The following GJB7 variants were observed in gnomAD, a reference collection of about 807,000 sequenced individuals.
GJB7 encodes gap junction protein beta 7, also known as gap junction beta-7 protein.
For synonymous variants in GJB7, 87 were observed against 95.2 expected (o/e 0.91, Z 0.50); for missense variants, 253 against 256.8 (o/e 0.99, Z 0.10).
chr6:87,323,743 T>A (rs1469131430), intron 1 of GJB7, among the ~76,000 whole-genome samples: 1 of 152,108 alleles, frequency 6.6e-6, no homozygotes, highest in Non-Finnish European at 1.5e-5. Context: ...ATACGTGTGC[T>A]TGTGTCTTTA....
At chr6:87,296,607 TGTTA>T (rs1776252108) in intron 2 of GJB7, among the ~76,000 whole-genome samples, 1 of 152,194 alleles carries the variant, frequency 6.6e-6, no homozygotes, top group African/African-American at 2.4e-5. Context: ...ATTTAATGAA[TGTTA>T]GTTCAATTTA....
intron 2 of GJB7, among the ~76,000 whole-genome samples, chr6:87,287,059 C>A (rs1235098793): frequency 6.6e-6 from 1 of 152,200 alleles, no homozygotes; most frequent in East Asian, 1.9e-4. Flanking sequence ...CTGTCCCCTA[C>A]CATTTGTGAC....
chr6:87,303,804 AT>A (rs1199135385), intron 2 of GJB7, among the ~76,000 whole-genome samples: 3 of 152,222 alleles, frequency 2.0e-5, no homozygotes, highest in Non-Finnish European at 4.4e-5. Flanking sequence ...ATGTAAAAGA[AT>A]AGAAATTGTA....
In GJB7 at chr6:87,284,893, C is replaced by G; in HGVS notation, c.20G>C (p.Arg7Thr). 1 of 1,612,422 alleles carries G rather than the reference C, an allele frequency of 6.2e-7. No homozygotes were observed. Among genetic ancestry groups the G allele is most frequent in the Non-Finnish European group, 8.5e-7 (1 of 1,178,646 alleles). Reference protein sequence around the residue: MSWMFLRDLLSGVNKYS... With the variant: MSWMFLTDLLSGVNKYS... The stretch of plus-strand genomic sequence containing the variant: ...TTTATTTACTCCACTCAGGAGATCT[C>G]TGAGGAACATCCAACTCATGACTTA... Residue 7 changes from arginine (R) to threonine (T), a missense_variant, in exon 3 of 3, where the codon AGA (arginine) becomes ACA (threonine). Arg to Thr is a moderately conservative substitution (Grantham distance 71). Coordinates refer to ENST00000525899, the MANE Select transcript of GJB7 (RefSeq NM_198568.3).
intron 2 of GJB7, 81 bp from the exon 3 acceptor site, chr6:87,285,020 A>G: frequency 1.1e-6 from 1 of 879,446 alleles, no homozygotes. Context: ...ATTATGTAAG[A>G]TAAATTACAA....
intron 2 of GJB7, among the ~76,000 whole-genome samples, chr6:87,302,596 AAC>A (rs1776350426): frequency 2.0e-5 from 3 of 152,228 alleles, no homozygotes; most frequent in African/African-American, 7.2e-5. Context: ...CAAGTTGGAA[AAC>A]ACTCTGCAGG....
At chr6:87,287,542 G>A (rs1010509098) in intron 2 of GJB7, among the ~76,000 whole-genome samples, 1 of 152,062 alleles carries the variant, frequency 6.6e-6, no homozygotes, top group Non-Finnish European at 1.5e-5. Flanking sequence ...CAATGTCCTT[G>A]GTTTTCAGAA....
At chr6:87,324,734 G>A (rs1776772572) in intron 1 of GJB7, among the ~76,000 whole-genome samples, 1 of 152,048 alleles carries the variant, frequency 6.6e-6, no homozygotes, top group Non-Finnish European at 1.5e-5. Flanking sequence ...TTTGGCTTAG[G>A]ATTGACTTGG....
At chr6:87,315,813 A>AAAAAAAG (rs1776571526) in intron 2 of GJB7, among the ~76,000 whole-genome samples, 1 of 148,536 alleles carries the variant, frequency 6.7e-6, no homozygotes, top group Non-Finnish European at 1.5e-5. Context: ...AAAAAAAAAA[A>AAAAAAAG]AAAGAAAGAA....
chr6:87,306,342 A>G (rs1776427444), intron 2 of GJB7, among the ~76,000 whole-genome samples: 1 of 152,272 alleles, frequency 6.6e-6, no homozygotes, highest in East Asian at 1.9e-4. Context: ...AAAAAAAACA[A>G]CCCCATCAAA....
chr6:87,306,682 C>A (rs1040574794), intron 2 of GJB7, among the ~76,000 whole-genome samples: 1 of 152,008 alleles, frequency 6.6e-6, no homozygotes, highest in Non-Finnish European at 1.5e-5. Context: ...TGGGTATATA[C>A]CCAAAGGACT....
intron 2 of GJB7, among the ~76,000 whole-genome samples, chr6:87,297,508 T>C (rs1776264066): frequency 6.6e-6 from 1 of 152,112 alleles, no homozygotes; most frequent in Non-Finnish European, 1.5e-5. Flanking sequence ...ATATTATTAG[T>C]AAAAAGTAAT....
chr6:87,324,197 G>T (rs937366345), intron 1 of GJB7, among the ~76,000 whole-genome samples: 40 of 152,302 alleles, frequency 2.6e-4, no homozygotes, highest in African/African-American at 8.7e-4. Flanking sequence ...TGAATAGGTT[G>T]TGAAAATTTT....
chr6:87,299,012 G>A (rs1776284284), intron 2 of GJB7: 4 of 489,382 alleles, frequency 8.2e-6, no homozygotes, highest in Middle Eastern at 7.1e-4. Flanking sequence ...GTCAATTGAT[G>A]TAAAGGATAA....
intron 1 of GJB7, among the ~76,000 whole-genome samples, chr6:87,324,305 T>C (rs1776761951): frequency 1.3e-5 from 2 of 152,256 alleles, no homozygotes; most frequent in South Asian, 4.1e-4. Flanking sequence ...TGGCTTTGGT[T>C]GCTATTGCTT....
chr6:87,327,013 A>G (rs1461252187), intron 1 of GJB7, among the ~76,000 whole-genome samples: 3 of 136,086 alleles, frequency 2.2e-5, no homozygotes, highest in Non-Finnish European at 3.1e-5. Flanking sequence ...TCCCTTTACC[A>G]TTATGTAATG....
At chr6:87,328,572 G>T (rs909825062) in intron 1 of GJB7, among the ~76,000 whole-genome samples, 5 of 152,054 alleles carry the variant, frequency 3.3e-5, no homozygotes, top group African/African-American at 4.8e-5. Context: ...TCGGGGGTCA[G>T]GGGTCAGGGA....
intron 2 of GJB7, among the ~76,000 whole-genome samples, chr6:87,296,924 T>G (rs1776255454): frequency 6.6e-6 from 1 of 152,232 alleles, no homozygotes. Context: ...AATATTTAAA[T>G]ACAAGGTAGA....
At position 87,328,854 on chromosome 6, in the gene GJB7, A is replaced by G. The variant is rs543611454; in HGVS notation, c.-206+284T>C. Among the ~76,000 whole-genome samples the G allele has an allele frequency of 8.9e-4, 135 of 152,228 alleles. No homozygotes were observed. In the Middle Eastern group the frequency reaches 0.01, roughly 12 times the overall value. On this transcript the variant is annotated intron_variant, in intron 1 of 2. Coordinates refer to ENST00000525899, the MANE Select transcript of GJB7 (RefSeq NM_198568.3). Reference sequence around the variant, plus strand: ...TGGCGGGCGCCCCTCCCCCAGCCTCACTGCCGCCTTGCAGTTTGATCTCAG... The same window carrying G: ...TGGCGGGCGCCCCTCCCCCAGCCTCGCTGCCGCCTTGCAGTTTGATCTCAG...
Sources: allele counts gnomAD v4.1 joint callset (sites outside exome capture counted in the v4.1 genomes callset), GRCh38; gene constraint gnomAD v4.1.1; transcripts MANE v1.5; gene names NCBI Gene and HGNC (gene_info 2026-07-23, HGNC 2026-07-21).